The following MAN1A2 variants were observed in gnomAD, a reference collection of about 807,000 sequenced individuals.
The protein encoded by MAN1A2 is mannosyl-oligosaccharide 1,2-alpha-mannosidase IB.
In MAN1A2, 26 loss-of-function variants were observed where a neutral mutation model predicts 75.7. The ratio of observed to expected loss-of-function variants is 0.34; its 90% CI spans 0.25 to 0.48. MAN1A2 has a LOEUF of 0.48. MAN1A2 is among the 20% of genes least tolerant of loss of function. The probability of loss-of-function intolerance (pLI) is 0.99; values close to 1 mark genes in which losing one functional copy is unlikely to be tolerated. For synonymous variants in MAN1A2, 247 were observed against 264.6 expected (o/e 0.93, Z 0.65); for missense variants, 562 against 775.5 (o/e 0.72, Z 3.27).
intron 1 of MAN1A2, among the ~76,000 whole-genome samples, chr1:117,373,210 A>C (rs189039483): frequency 6.6e-6 from 1 of 151,942 alleles, no homozygotes; most frequent in African/African-American, 2.4e-5. Context: ...TCACTATTGC[A>C]ATTTTAATTT....
chr1:117,459,971 A>T (rs1306872431), intron 6 of MAN1A2, among the ~76,000 whole-genome samples: 1 of 152,054 alleles, frequency 6.6e-6, no homozygotes, highest in Non-Finnish European at 1.5e-5. Context: ...TCAAATTTTG[A>T]GACAACTCAA....
At chr1:117,411,198 C>T (rs142100248) in intron 3 of MAN1A2, among the ~76,000 whole-genome samples, 46 of 151,664 alleles carry the variant, frequency 3.0e-4, no homozygotes, top group African/African-American at 1.0e-3. Context: ...TTATAAATTA[C>T]AGTAAAGCTA....
intron 5 of MAN1A2, among the ~76,000 whole-genome samples, chr1:117,423,892 T>C (rs2101784883): frequency 6.6e-6 from 1 of 151,610 alleles, no homozygotes; most frequent in South Asian, 2.1e-4. Context: ...TTTCTTTTTT[T>C]TTTTTTTGAG....
rs554910243 is a variant in MAN1A2, at chr1:117,472,264, A to C, written c.1168+5837A>C. 9.2e-5 allele frequency among the ~76,000 whole-genome samples: 14 copies of C among 152,196 alleles called. No individual in the cohort carries two copies. In the East Asian group the frequency reaches 2.5e-3, roughly 27 times the overall value. The stretch of plus-strand genomic sequence containing the variant: ...AGAAAAGGAAAATCCTAAGTTAAAT[A>C]AACTATTCAAATATAGTAATCTCTC... On this transcript the variant is annotated intron_variant, in intron 8 of 12. Transcript: ENST00000356554.
intron 1 of MAN1A2, among the ~76,000 whole-genome samples, chr1:117,395,290 G>A (rs773750010): frequency 6.6e-6 from 1 of 152,192 alleles, no homozygotes; most frequent in African/African-American, 2.4e-5. Flanking sequence ...CTCAGTATTT[G>A]CATAGTGTTT....
At chr1:117,383,822 C>G (rs1653433957) in intron 1 of MAN1A2, among the ~76,000 whole-genome samples, 1 of 151,816 alleles carries the variant, frequency 6.6e-6, no homozygotes, top group Admixed American at 6.6e-5. Flanking sequence ...CAGGTGTGAT[C>G]ATGGTGCACT....
chr1:117,437,796 A>G (rs1648892212), intron 5 of MAN1A2, among the ~76,000 whole-genome samples: 1 of 152,214 alleles, frequency 6.6e-6, no homozygotes. Context: ...ACATTTTTGT[A>G]GAACATATTA....
intron 11 of MAN1A2, 141 bp from the exon 12 acceptor site, chr1:117,502,713 CT>C (rs1296084652): frequency 1.4e-5 from 8 of 581,654 alleles, no homozygotes; most frequent in Non-Finnish European, 2.4e-5. Context: ...AGAATATTTC[CT>C]TTTGATAATA....
At chr1:117,416,236 CTTTA>C (rs1439062449) in intron 4 of MAN1A2, among the ~76,000 whole-genome samples, 1 of 152,022 alleles carries the variant, frequency 6.6e-6, no homozygotes, top group Non-Finnish European at 1.5e-5. Flanking sequence ...ACAGTTTATT[CTTTA>C]ACATTGGCTT....
chr1:117,491,404 C>T (rs1459725149), intron 8 of MAN1A2, among the ~76,000 whole-genome samples: 1 of 152,058 alleles, frequency 6.6e-6, no homozygotes, highest in Non-Finnish European at 1.5e-5. Context: ...CAGTTGAGAG[C>T]ACATCTGTTG....
chr1:117,469,439 A>G (rs1023822766), intron 8 of MAN1A2, among the ~76,000 whole-genome samples: 2 of 152,156 alleles, frequency 1.3e-5, no homozygotes, highest in South Asian at 4.1e-4. Flanking sequence ...CACAGGTAAC[A>G]ATACAAAAAT....
At chr1:117,420,723 T>C in intron 5 of MAN1A2, 74 bp downstream of exon 5, 1 of 1,072,056 alleles carries the variant, frequency 9.3e-7, no homozygotes, top group East Asian at 2.4e-5. Context: ...ACAATTTCCC[T>C]AGAAGCATAT....
chr1:117,454,757 G>C (rs1380986910), intron 6 of MAN1A2, among the ~76,000 whole-genome samples: 1 of 152,062 alleles, frequency 6.6e-6, no homozygotes, highest in Non-Finnish European at 1.5e-5. Context: ...ATAATAACTC[G>C]CATAGTGGGG....
At chr1:117,513,664 A>G (rs914822222) in intron 12 of MAN1A2, among the ~76,000 whole-genome samples, 84 of 152,010 alleles carry the variant, frequency 5.5e-4, no homozygotes, top group African/African-American at 1.9e-3. Flanking sequence ...TTTGCTATTT[A>G]TTAAATAAAA....
At chr1:117,414,647 C>A in intron 3 of MAN1A2, 66 bp from the exon 4 acceptor site, 2 of 740,498 alleles carry the variant, frequency 2.7e-6, no homozygotes, top group Non-Finnish European at 4.7e-6. Context: ...TCTTTTTTTT[C>A]CCCCCAAAGA....
intron 1 of MAN1A2, among the ~76,000 whole-genome samples, chr1:117,401,495 T>C (rs1194153000): frequency 2.6e-5 from 4 of 152,178 alleles, no homozygotes; most frequent in Non-Finnish European, 4.4e-5. Context: ...AGAGGGAATA[T>C]TGAACTCTCT....
rs550516260 is a variant in MAN1A2, at chr1:117,414,281, G to A, written c.656-432G>A. Among the ~76,000 whole-genome samples the A allele has an allele frequency of 1.9e-4, 28 of 151,224 alleles. No individual in the cohort carries two copies. The East Asian group carries it at 4.3e-3, about 23-fold the overall frequency. ...TTGTCCTTTATATGAATTTGGACCA[G>A]ACCAGAAGGACATGGTTGTCTTATT... is the stretch of plus-strand genomic sequence containing the variant. On this transcript the variant is annotated intron_variant, in intron 3 of 12. Coordinates refer to ENST00000356554, the MANE Select transcript of MAN1A2 (RefSeq NM_006699.5).
At chr1:117,488,762 G>A (rs377073156) in intron 8 of MAN1A2, among the ~76,000 whole-genome samples, 6 of 151,950 alleles carry the variant, frequency 3.9e-5, no homozygotes, top group Non-Finnish European at 7.4e-5. Flanking sequence ...TGAATTATGG[G>A]AATATTAGCA....
intron 2 of MAN1A2, among the ~76,000 whole-genome samples, chr1:117,403,342 A>G (rs764698553): frequency 2.0e-5 from 3 of 152,204 alleles, no homozygotes; most frequent in Non-Finnish European, 2.9e-5. Flanking sequence ...CTGTGCTCTG[A>G]TTTTACCTCA....
Sources: gnomAD v4.1 joint callset for allele counts (sites outside exome capture counted in the v4.1 genomes callset) on GRCh38, gnomAD v4.1.1 for gene constraint, MANE v1.5 for transcripts, NCBI Gene and HGNC (gene_info 2026-07-23, HGNC 2026-07-21) for gene names.